The following DIPK2A variants were observed in gnomAD, a reference collection of about 807,000 sequenced individuals.
The protein encoded by DIPK2A is Golgi Protein of 49 kDa.
DIPK2A carries 27 observed loss-of-function variants against 39.0 expected under a neutral mutation model. That is an observed-to-expected ratio of 0.69 (90% CI 0.51 to 0.96). DIPK2A has a LOEUF of 0.96. DIPK2A is among the 40% of genes least tolerant of loss of function. DIPK2A has a pLI of 0.00. For synonymous variants in DIPK2A, 298 were observed against 240.8 expected, an observed-to-expected ratio of 1.24 and a Z score of -2.20; for missense variants, 528 against 571.3, an observed-to-expected ratio of 0.92 and a Z score of 0.77.
chr3:143,988,270 T>C (rs2087933348), intron 2 of DIPK2A, among the ~76,000 whole-genome samples: 1 of 152,084 alleles, frequency 6.6e-6, no homozygotes, highest in Non-Finnish European at 1.5e-5. Flanking sequence ...GGCTAATTTT[T>C]AAATTTTTTG....
chr3:143,988,194 G>A (rs764073409), intron 2 of DIPK2A, among the ~76,000 whole-genome samples: 6 of 151,840 alleles, frequency 4.0e-5, no homozygotes, highest in Non-Finnish European at 7.4e-5. Context: ...GACCTCCCTG[G>A]CTCAAGTGAT....
intron 1 of DIPK2A, chr3:143,978,590 C>CTATCTATCTATCTATCTATATATATA: frequency 1.5e-5 from 1 of 67,526 alleles, no homozygotes; most frequent in African/African-American, 1.5e-4. Context: ...GTATCTATAT[C>CTATCTATCTATCTATCTATATATATA]TATCTATCTA....
At chr3:143,981,140 G>A (rs555490974) in intron 1 of DIPK2A, among the ~76,000 whole-genome samples, 1 of 152,134 alleles carries the variant, frequency 6.6e-6, no homozygotes, top group South Asian at 2.1e-4. Context: ...CAGGATGGTG[G>A]ATATTGATCA....
chr3:143,982,311 A>C (rs1228734873), intron 1 of DIPK2A, among the ~76,000 whole-genome samples: 1 of 152,196 alleles, frequency 6.6e-6, no homozygotes, highest in Non-Finnish European at 1.5e-5. Context: ...TAGGAGGTGC[A>C]TGAAGATAAG....
In DIPK2A at chr3:143,972,077, G is replaced by A; in HGVS notation, c.-256G>A. The A allele has an allele frequency of 2.6e-6, 1 of 381,504 alleles. No individual in the cohort carries two copies. Among genetic ancestry groups the A allele is most frequent in the Non-Finnish European group, 4.6e-6 (1 of 215,758 alleles). The allele number at this position is 381,504 out of a possible 1,614,324, so 23.6% of individuals were successfully genotyped here. ...CTGGCGTGGAGGAGGCGCCGCCGGA[G>A]TCGGAGGGCGGGGAGCTAGGAGGAG... is the stretch of plus-strand genomic sequence containing the variant. On this transcript the variant is annotated 5_prime_UTR_variant, in exon 1 of 3. Coordinates refer to ENST00000315691, the MANE Select transcript of DIPK2A (RefSeq NM_173552.5).
rs2087816380 is a variant in DIPK2A at position 143,980,702 on chromosome 3, A to C, written c.658-4841A>C. 3.3e-5 allele frequency among the ~76,000 whole-genome samples: 5 copies of C among 151,736 alleles called. No individual in the cohort carries two copies. In the South Asian group the frequency reaches 1.0e-3, roughly 32 times the overall value. On this transcript the variant is annotated intron_variant, in intron 1 of 2. Coordinates refer to ENST00000315691, the MANE Select transcript of DIPK2A (RefSeq NM_173552.5). ...CACATTTTAGATTGTATGTTTTATT[A>C]ATAGTTTTTTTGAAGTTAGTTTGTT...
rs2087670699 is a variant in DIPK2A, at chr3:143,972,644, C to A, written c.312C>A (p.Arg104=). Residue 104 remains arginine (R), a synonymous_variant, in exon 1 of 3, where the codon CGC becomes CGA. Transcript: ENST00000315691. ...AQYGEPREGG[R]RRVVLKRLGS... is the part of the protein sequence containing the mutation. ...ACGGCGAGCCCCGCGAGGGCGGCCG[C>A]CGCCGAGTGGTGCTCAAGCGCCTCG... is the stretch of plus-strand genomic sequence containing the variant. 1.2e-6 allele frequency: 2 copies of A among 1,611,452 alleles called. No individual in the cohort carries two copies. Among genetic ancestry groups the A allele is most frequent in the Non-Finnish European group, 1.7e-6 (2 of 1,179,396 alleles).
At chr3:143,979,216 AGTTTTT>A (rs2087793000) in intron 1 of DIPK2A, among the ~76,000 whole-genome samples, 2 of 152,160 alleles carry the variant, frequency 1.3e-5, no homozygotes, top group Non-Finnish European at 2.9e-5. Flanking sequence ...TTCAGGCTAT[AGTTTTT>A]TAAAAATAGT....
At chr3:143,973,438 C>T (rs542330780) in intron 1 of DIPK2A, 2 of 1,551,068 alleles carry the variant, frequency 1.3e-6, no homozygotes, top group Non-Finnish European at 8.7e-7. Context: ...TTTTCTGGCG[C>T]TGGTGGCTGG....
At position 143,976,303 on chromosome 3, in the gene DIPK2A, G is replaced by A. The variant is rs2087727640; in HGVS notation, c.657+3314G>A. ...TCTACTCTGATACCCTTTCCTCGTC[G>A]TCACATTTTTACTTCACTAAGATGT... On this transcript the variant is annotated intron_variant, in intron 1 of 2. Transcript: ENST00000315691. Among the ~76,000 whole-genome samples, 4 of 151,688 alleles carry A rather than the reference G, an allele frequency of 2.6e-5. No homozygotes were observed. In the South Asian group the frequency reaches 8.3e-4, roughly 32 times the overall value.
chr3:143,988,048 C>A (rs1576813857), intron 2 of DIPK2A, among the ~76,000 whole-genome samples: 1 of 152,084 alleles, frequency 6.6e-6, no homozygotes, highest in South Asian at 2.1e-4. Flanking sequence ...AATCCAAACA[C>A]CTTAAAGCCA....
chr3:143,986,044 T>C, intron 2 of DIPK2A, 198 bp downstream of exon 2: 1 of 561,238 alleles, frequency 1.8e-6, no homozygotes, highest in Non-Finnish European at 3.1e-6. Flanking sequence ...ATAAACCCGG[T>C]GTCAGTTGAA....
intron 1 of DIPK2A, among the ~76,000 whole-genome samples, chr3:143,977,325 A>G (rs766357044): frequency 2.6e-5 from 4 of 151,598 alleles, no homozygotes; most frequent in African/African-American, 4.8e-5. Flanking sequence ...TTTGGTTTTT[A>G]TTGTTGTTGT....
At chr3:143,973,216 C>T (rs1398291062) in intron 1 of DIPK2A, 1 of 1,061,420 alleles carries the variant, frequency 9.4e-7, no homozygotes, top group East Asian at 2.6e-5. Flanking sequence ...GATTCGGGCG[C>T]ATTTCGGATT....
chr3:143,973,225 T>G, intron 1 of DIPK2A: 1 of 1,113,094 alleles, frequency 9.0e-7, no homozygotes, highest in Non-Finnish European at 1.3e-6. Context: ...GCATTTCGGA[T>G]TTGACTGTGG....
intron 1 of DIPK2A, among the ~76,000 whole-genome samples, chr3:143,982,988 G>A (rs1023774293): frequency 6.6e-6 from 1 of 152,034 alleles, no homozygotes; most frequent in Admixed American, 6.5e-5. Flanking sequence ...AAAGACAAGG[G>A]CATTACATAA....
chr3:143,986,717 C>A (rs1403907460), intron 2 of DIPK2A, among the ~76,000 whole-genome samples: 1 of 133,560 alleles, frequency 7.5e-6, no homozygotes, highest in African/African-American at 3.0e-5. Context: ...AGCGAGACTC[C>A]GTCTCAAAAA....
At chr3:143,986,074 T>C (rs1336042670) in intron 2 of DIPK2A, 4 of 514,622 alleles carry the variant, frequency 7.8e-6, no homozygotes, top group African/African-American at 7.7e-5. Flanking sequence ...ATTTGAAATA[T>C]ATCTAACCTA....
intron 1 of DIPK2A, among the ~76,000 whole-genome samples, chr3:143,977,685 G>A (rs1441917010): frequency 6.6e-6 from 1 of 152,094 alleles, no homozygotes; most frequent in Non-Finnish European, 1.5e-5. Flanking sequence ...ATGGTTCTTA[G>A]TAGAGCAGTT....
Sources: allele counts gnomAD v4.1 joint callset (sites outside exome capture counted in the v4.1 genomes callset), GRCh38; gene constraint gnomAD v4.1.1; transcripts MANE v1.5; gene names NCBI Gene and HGNC (gene_info 2026-07-23, HGNC 2026-07-21).